ZNF846: variants seen among roughly 807,000 people sequenced by gnomAD.
ZNF846 encodes zinc finger protein 846, also known as zinc finger protein 420 pseudogene.
ZNF846 carries 15 observed loss-of-function variants against 16.0 expected under a neutral mutation model. The observed-to-expected ratio is 0.94, with a 90% CI of 0.63 to 1.45. ZNF846 has a LOEUF of 1.45. Ranked by LOEUF, ZNF846 falls within the 40% of genes most tolerant of loss-of-function variation. ZNF846 has a pLI of 0.00. For synonymous variants in ZNF846, 229 were observed against 212.0 expected, an observed-to-expected ratio of 1.08 and a Z score of -0.70; for missense variants, 714 against 622.3, an observed-to-expected ratio of 1.15 and a Z score of -1.57.
intron 1 of ZNF846, chr19:9,774,634 T>C (rs190663890): frequency 7.6e-6 from 11 of 1,444,788 alleles, no homozygotes; most frequent in African/African-American, 1.4e-5. Context: ...ACTCTCCATA[T>C]GATTAGGTGA....
intron 3 of ZNF846, among the ~76,000 whole-genome samples, chr19:9,762,671 C>A (rs534717942): frequency 6.6e-6 from 1 of 152,176 alleles, no homozygotes; most frequent in Admixed American, 6.5e-5. Context: ...ATCCTCTACA[C>A]CAGGGGTGTC....
chr19:9,776,581 C>G (rs893604570), intron 1 of ZNF846, among the ~76,000 whole-genome samples: 1 of 152,226 alleles, frequency 6.6e-6, no homozygotes, highest in African/African-American at 2.4e-5. Context: ...GCCCCTTTTG[C>G]TTTGTATCCA....
At chr19:9,781,771 C>T (rs2045503890) in intron 1 of ZNF846, among the ~76,000 whole-genome samples, 1 of 149,978 alleles carries the variant, frequency 6.7e-6, no homozygotes. Flanking sequence ...TTCCCAAGGG[C>T]AAACAATTTT....
chr19:9,753,498 C>A (rs922646786), downstream of ZNF846, among the ~76,000 whole-genome samples: 10 of 151,028 alleles, frequency 6.6e-5, no homozygotes, highest in Non-Finnish European at 1.3e-4. Flanking sequence ...TTGTGATCCA[C>A]CCACCTTGGC....
chr19:9,758,091 A>G (rs2045161537), exon 6 of ZNF846: 1 of 1,613,658 alleles, frequency 6.2e-7, no homozygotes, highest in Middle Eastern at 1.6e-4. Flanking sequence ...GTGAATTCGC[A>G]TGTGTAAAAT....
intron 1 of ZNF846, chr19:9,774,759 C>A (rs2045420752): frequency 6.4e-7 from 1 of 1,568,028 alleles, no homozygotes; most frequent in African/African-American, 1.4e-5. Flanking sequence ...GTCTGTCTGT[C>A]AGTAATTAGT....
downstream of ZNF846, chr19:9,756,428 CTT>C (rs1166138675): frequency 7.0e-6 from 1 of 142,160 alleles, no homozygotes; most frequent in Non-Finnish European, 1.5e-5. Flanking sequence ...TTTCTGGCCT[CTT>C]TGAGATTACC....
chr19:9,776,268 G>C (rs1046687634), intron 1 of ZNF846, among the ~76,000 whole-genome samples: 1 of 152,174 alleles, frequency 6.6e-6, no homozygotes, highest in Non-Finnish European at 1.5e-5. Context: ...CATCAGCCAG[G>C]CTTGCCCACT....
At chr19:9,757,644 T>C in exon 6 of ZNF846, 3 of 1,613,604 alleles carry the variant, frequency 1.9e-6, no homozygotes, top group Non-Finnish European at 2.5e-6. Flanking sequence ...TTTACATGCA[T>C]AAGGCTTTTC....
chr19:9,750,852 G>A (rs1026521185), downstream of ZNF846, among the ~76,000 whole-genome samples: 1 of 152,130 alleles, frequency 6.6e-6, no homozygotes, highest in African/African-American at 2.4e-5. Flanking sequence ...CACTTTAGCT[G>A]CAGTTGTCCT....
At chr19:9,780,648 C>T (rs2045493273) in intron 1 of ZNF846, among the ~76,000 whole-genome samples, 1 of 152,006 alleles carries the variant, frequency 6.6e-6, no homozygotes, top group South Asian at 2.1e-4. Flanking sequence ...AGGGTTTCAC[C>T]ATGTTGGCTA....
exon 6 of ZNF846, chr19:9,758,594 C>T: frequency 6.2e-7 from 1 of 1,612,680 alleles, no homozygotes; most frequent in South Asian, 1.1e-5. Flanking sequence ...CATGACTTTT[C>T]TTGTAAAAAC....
rs527362574 is a variant in ZNF846 at position 9,761,509 on chromosome 19, G to A, written c.229+573C>T. Among the ~76,000 whole-genome samples, 31 of 151,998 alleles carry A rather than the reference G, an allele frequency of 2.0e-4. 1 individual carries two copies. In the South Asian group the frequency reaches 5.8e-3, roughly 29 times the overall value. ...AGGTGAATCACAAGGTCAGGAGTTC[G>A]AGAACAGCCTGGCCAACATAGTGAA... On this transcript the variant is annotated intron_variant, in intron 4 of 5. Transcript: ENST00000397902.
At chr19:9,758,373 A>G (rs1239673274) in exon 6 of ZNF846, 3 of 1,613,252 alleles carry the variant, frequency 1.9e-6, no homozygotes, top group Non-Finnish European at 2.5e-6. Context: ...GGAATTACTG[A>G]AGGCTTTCCC....
At chr19:9,772,581 A>G (rs2045398137), upstream of ZNF846, among the ~76,000 whole-genome samples, 1 of 150,720 alleles carries the variant, frequency 6.6e-6, no homozygotes. Flanking sequence ...GTGGTGACAG[A>G]GCAAGACTCC....
exon 6 of ZNF846, chr19:9,752,407 A>G: frequency 2.6e-6 from 1 of 378,776 alleles, no homozygotes. Flanking sequence ...CAGGAGTTTG[A>G]CACCAGCCTG....
At chr19:9,754,490 A>C, downstream of ZNF846, among the ~76,000 whole-genome samples, 1 of 146,396 alleles carries the variant, frequency 6.8e-6, no homozygotes, top group Non-Finnish European at 1.5e-5. Flanking sequence ...TCTGGAAGCC[A>C]GGAGGTGAAG....
At position 9,762,074 on chromosome 19, in the gene ZNF846, G is replaced by A. The variant is rs763537595; in HGVS notation, c.229+8C>T. 1.9e-6 allele frequency: 3 copies of A among 1,612,314 alleles called. No homozygotes were observed. The highest frequency in any genetic ancestry group is 2.5e-6 in the Non-Finnish European group (3 of 1,178,454). On this transcript the variant is annotated splice_region_variant and intron_variant, in intron 4 of 5. Transcript: ENST00000397902. ...GTGCCATAATACCACATCTGCTTAT[G>A]AACTCACCCTGCAGAACTCCTGTCA...
At chr19:9,779,354 C>T (rs10414367) in intron 1 of ZNF846, among the ~76,000 whole-genome samples, 25,393 of 150,942 alleles carry the variant, frequency 0.17, 3,927 homozygotes, top group African/African-American at 0.41. Context: ...CCGCAACCTC[C>T]GCCTCCCGGG....
Sources: allele counts gnomAD v4.1 joint callset (sites outside exome capture counted in the v4.1 genomes callset), GRCh38; gene constraint gnomAD v4.1.1; transcripts MANE v1.5; gene names NCBI Gene and HGNC (gene_info 2026-07-23, HGNC 2026-07-21).